Variants in RASAL3 observed in about 807,000 individuals in gnomAD.
The protein encoded by RASAL3 is RAS protein activator like 3.
RASAL3 carries 74 observed loss-of-function variants against 105.5 expected under a neutral mutation model. The observed-to-expected ratio is 0.70, with a 90% CI of 0.58 to 0.85. RASAL3 has a LOEUF of 0.85. Among genes scored for constraint, RASAL3 ranks in the 40% least tolerant of loss-of-function variants. The pLI is 0.00. For missense variants in RASAL3, 1,352 were observed against 1,392.0 expected (o/e 0.97, Z 0.46); for synonymous variants, 579 against 591.6 (o/e 0.98, Z 0.31).
rs1970348849 is a variant in RASAL3 at position 15,457,190 on chromosome 19, C to A, written c.1431+102G>T. 1.0e-6 allele frequency: 1 copy of A among 1,004,216 alleles called. No individual in the cohort carries two copies. Among genetic ancestry groups the A allele is most frequent in the African/African-American group, 1.7e-5 (1 of 58,508 alleles). The allele number at this position is 1,004,216 out of a possible 1,614,324, so 62.2% of individuals were successfully genotyped here. On this transcript the variant is annotated intron_variant, in intron 9 of 17. Coordinates refer to ENST00000343625, the MANE Select transcript of RASAL3 (RefSeq NM_022904.3). The surrounding 1 kb of genome is among the most constrained non-coding windows in gnomAD (Gnocchi z 8.6). ...CCTCACACCCCTTCAAGGTGTCTCC[C>A]CCATTACAGGTGCAACTCAGGTCCT...
Position 15,457,431 on chromosome 19 carries a change from C to T in RASAL3, c.1292G>A (p.Arg431His). The change falls in exon 9 of 18, where the codon CGC becomes CAC. Residue 431 changes from arginine (R) to histidine (H), a missense_variant. Transcript: ENST00000343625. The surrounding 1 kb of genome is among the most constrained non-coding windows in gnomAD (Gnocchi z 8.6). ...ARRLRVLPSE[R>H]YKELAEFLTF... ...GAGGAACTCCGCCAGCTCCTTGTAG[C>T]GCTCGGACGGCAGCACGCGCAGGCG... 7.0e-7 allele frequency: 1 copy of T among 1,432,586 alleles called. No individual in the cohort carries two copies. Among genetic ancestry groups the T allele is most frequent in the Non-Finnish European group, 9.1e-7 (1 of 1,095,278 alleles). 88.7% of individuals were successfully genotyped at this position (1,432,586 alleles called of 1,614,324 possible). A position where few individuals can be genotyped will look rare whatever the true frequency, so the allele number is the denominator to read the frequency against.
At chr19:15,464,416 T>C in intron 1 of RASAL3, 39 bp from the exon 2 acceptor site, 1 of 1,521,026 alleles carries the variant, frequency 6.6e-7, no homozygotes, top group Non-Finnish European at 9.0e-7. Flanking sequence ...CCAGTGTCTG[T>C]CCACATACTG....
Position 15,456,065 on chromosome 19 carries a change from A to G in RASAL3, c.1721+39T>C, listed in dbSNP as rs1970305131. The G allele has an allele frequency of 6.2e-7, 1 of 1,602,490 alleles. No homozygotes were observed. On this transcript the variant is annotated intron_variant, in intron 11 of 17. Transcript: ENST00000343625. This position sits in a 1 kb window ranked among gnomAD's most constrained non-coding sequence, Gnocchi z 4.4. ...ACTGGAGGTCGGGGCTAGCATGGTA[A>G]GCAGGGGTGGGCTAAGCTGCTGGGG... is the stretch of plus-strand genomic sequence containing the variant.
intron 16 of RASAL3, 82 bp downstream of exon 16, chr19:15,452,573 TTTG>T: frequency 1.3e-6 from 1 of 782,790 alleles, no homozygotes; most frequent in Non-Finnish European, 1.6e-6. Flanking sequence ...CTAGGCGTGG[TTTG>T]GGGGGGGGGG....
chr19:15,461,375 C>T, intron 3 of RASAL3, 79 bp from the exon 4 acceptor site: 2 of 1,529,806 alleles, frequency 1.3e-6, no homozygotes, highest in Non-Finnish European at 1.8e-6. Context: ...GAGAGGCAGA[C>T]ACCTTCCCAT....
In RASAL3 at chr19:15,452,691, T is replaced by G; in HGVS notation, c.2795A>C (p.Gln932Pro). ...GAGCCTGGAGTCCAGATCCTGCAGC[T>G]GGCCCCGCAGCTGCTCCTGCTGCTC... ...LTEQQEQLRGQLQDLDSRLRA... is the reference protein window; with the variant it reads ...LTEQQEQLRGPLQDLDSRLRA... The change falls in exon 16 of 18, where the codon CAG (glutamine) becomes CCG (proline). Residue 932 changes from glutamine (Q) to proline (P), a missense_variant. Transcript: ENST00000343625. The G allele has an allele frequency of 6.4e-7, 1 of 1,551,498 alleles. No homozygotes were observed. The highest frequency in any genetic ancestry group is 8.7e-7 in the Non-Finnish European group (1 of 1,147,428).
intron 13 of RASAL3, 23 bp downstream of exon 13, chr19:15,454,338 C>T: frequency 1.3e-6 from 2 of 1,594,500 alleles, no homozygotes; most frequent in Non-Finnish European, 1.7e-6. Flanking sequence ...TTCTTGCCTC[C>T]CTACTCTGGG....
rs769350098 is a variant in RASAL3, at chr19:15,464,129, T to C, written c.230A>G (p.Glu77Gly). The change falls in exon 2 of 18, where the codon GAG becomes GGG. Residue 77 changes from glutamate to glycine, a missense_variant. This residue lies in a region of RASAL3 where 344 missense variants were observed against 339.6 expected (regional missense o/e 1.01). Transcript: ENST00000343625. The stretch of plus-strand genomic sequence containing the variant: ...GAGTCGAAGGCGACTGGTCCGTGAC[T>C]CCTTGGGAGGCGCAGATAGGACCCG... ...FRRVLSAPPKESRTSRLRLSK... is the reference protein window; with the variant it reads ...FRRVLSAPPKGSRTSRLRLSK... The C allele has an allele frequency of 7.7e-5, 124 of 1,613,426 alleles. No homozygotes were observed. Among genetic ancestry groups the C allele is most frequent in the Non-Finnish European group, 1.1e-4 (124 of 1,179,836 alleles).
At position 15,463,997 on chromosome 19, in the gene RASAL3, C is replaced by G. The variant is rs183641350; in HGVS notation, c.328+34G>C. The G allele has an allele frequency of 3.5e-4, 522 of 1,510,104 alleles. 5 individuals carry two copies. The East Asian group carries it at 0.01, about 29-fold the overall frequency. 93.5% of individuals were successfully genotyped at this position (1,510,104 alleles called of 1,614,324 possible). ...AAAACCCAAGCATCCGGCTTCCCAG[C>G]CCGGCCCAAGCTCAGGGTGGGGGAA... On this transcript the variant is annotated intron_variant, in intron 2 of 17. Coordinates refer to ENST00000343625, the MANE Select transcript of RASAL3 (RefSeq NM_022904.3).
chr19:15,454,033 G>T (rs116657082), intron 14 of RASAL3, 116 bp downstream of exon 14: 6 of 738,982 alleles, frequency 8.1e-6, no homozygotes, highest in African/African-American at 1.8e-5. Flanking sequence ...TGTGATTCCC[G>T]TCTGACCCTG....
At position 15,458,444 on chromosome 19, in the gene RASAL3, C is replaced by T. The variant is rs1323360108; in HGVS notation, c.790-18G>A. 6.2e-7 allele frequency: 1 copy of T among 1,613,584 alleles called. No homozygotes were observed. The highest frequency in any genetic ancestry group is 1.1e-5 in the South Asian group (1 of 90,986). On this transcript the variant is annotated intron_variant, in intron 7 of 17. Transcript: ENST00000343625. ...CAGGTTACCTGTTGGGATGGAGAAT[C>T]CAACGGTGTGATCGAGGCCAAGGGT... is the stretch of plus-strand genomic sequence containing the variant.
intron 6 of RASAL3, 145 bp from the exon 7 acceptor site, chr19:15,458,800 A>G: frequency 1.0e-6 from 1 of 992,596 alleles, no homozygotes; most frequent in Admixed American, 3.9e-5. Flanking sequence ...CCGCCATGGC[A>G]CCTCCTTGCT....
At chr19:15,461,652 C>T in intron 2 of RASAL3, 45 bp from the exon 3 acceptor site, 1 of 1,460,620 alleles carries the variant, frequency 6.8e-7, no homozygotes, top group Non-Finnish European at 9.0e-7. Context: ...GACGTTTTCT[C>T]TCCCTCAGGC....
chr19:15,458,670 G>T lies in RASAL3; in HGVS notation c.663-15C>A. ...CACTGGGGGGTCTGGGAAGGGGGTG[G>T]GTGAGCACACCGTCATTCCTGCCTC... On this transcript the variant is annotated splice_polypyrimidine_tract_variant and intron_variant, in intron 6 of 17. Coordinates refer to ENST00000343625, the MANE Select transcript of RASAL3 (RefSeq NM_022904.3). The T allele has an allele frequency of 6.2e-7, 1 of 1,610,678 alleles. No homozygotes were observed. The highest frequency in any genetic ancestry group is 8.5e-7 in the Non-Finnish European group (1 of 1,178,658).
chr19:15,452,716 C>T lies in RASAL3; in HGVS notation c.2770G>A (p.Glu924Lys). Reference sequence around the variant, plus strand: ...TGGCCCCGCAGCTGCTCCTGCTGCTCCGTCAAGGCCCGGATTTGGGTGCTC... The same window carrying T: ...TGGCCCCGCAGCTGCTCCTGCTGCTTCGTCAAGGCCCGGATTTGGGTGCTC... ...SLSTQIRALT[E>K]QQEQLRGQLQ... The change falls in exon 16 of 18, where the codon GAG (glutamate) becomes AAG (lysine). Residue 924 changes from glutamate (E) to lysine (K), a missense_variant. By Grantham distance (56) the Glu-to-Lys change is moderately conservative. Coordinates refer to ENST00000343625, the MANE Select transcript of RASAL3 (RefSeq NM_022904.3). 2 of 1,554,586 alleles carry T rather than the reference C, an allele frequency of 1.3e-6. No homozygotes were observed. Among genetic ancestry groups the T allele is most frequent in the Non-Finnish European group, 1.7e-6 (2 of 1,148,876 alleles).
chr19:15,458,782 C>T (rs1970415651), intron 6 of RASAL3, 127 bp from the exon 7 acceptor site: 2 of 1,199,408 alleles, frequency 1.7e-6, no homozygotes, highest in African/African-American at 1.9e-5. Flanking sequence ...CCGTGCCCCC[C>T]CCACCCCCCG....
intron 15 of RASAL3, 130 bp from the exon 16 acceptor site, chr19:15,452,945 G>T: frequency 1.4e-6 from 2 of 1,449,818 alleles, no homozygotes; most frequent in South Asian, 2.6e-5. Context: ...TCCCTCCTGC[G>T]GTACAGCTGG....
intron 16 of RASAL3, 82 bp downstream of exon 16, chr19:15,452,576 G>T (rs1599730726): frequency 1.2e-4 from 4 of 32,886 alleles, no homozygotes; most frequent in African/African-American, 3.2e-4. Flanking sequence ...GGCGTGGTTT[G>T]GGGGGGGGGG....
In RASAL3 at chr19:15,457,553, C is replaced by A; in HGVS notation, c.1170G>T (p.Leu390=). The A allele has an allele frequency of 8.6e-7, 1 of 1,158,242 alleles. No individual in the cohort carries two copies. Among genetic ancestry groups the A allele is most frequent in the Non-Finnish European group, 1.1e-6 (1 of 936,948 alleles). The allele number at this position is 1,158,242 out of a possible 1,614,324, so 71.7% of individuals were successfully genotyped here. ...CGGCGGCAGGCGCGCGTGGGGCGTC[C>A]AGCTCCTCCAGCGCCAGGGCCACGC... ...LGRVALALEE[L]DAPRAPAAGL... Residue 390 remains leucine (L), a synonymous_variant, in exon 9 of 18, where the codon CTG becomes CTT. Coordinates refer to ENST00000343625, the MANE Select transcript of RASAL3 (RefSeq NM_022904.3). The surrounding 1 kb of genome is among the most constrained non-coding windows in gnomAD (Gnocchi z 8.6).
Sources: gnomAD v4.1 joint callset for allele counts on GRCh38, gnomAD v4.1.1 for gene constraint, gnomAD v4.1.1 regional missense constraint, Gnocchi (gnomAD v3.1) non-coding constraint, MANE v1.5 for transcripts, NCBI Gene and HGNC (gene_info 2026-07-23, HGNC 2026-07-21) for gene names.